The following RAB14 variants were observed in gnomAD, a reference collection of about 807,000 sequenced individuals.
RAB14 encodes RAB14, member RAS oncogene family.
RAB14 carries 3 observed loss-of-function variants against 31.1 expected under a neutral mutation model. The observed-to-expected ratio is 0.10, with a 90% CI of 0.04 to 0.25. The LOEUF is 0.25. RAB14 is among the 10% of genes least tolerant of loss of function. The probability of loss-of-function intolerance (pLI) is 1.00; values close to 1 mark genes in which losing one functional copy is unlikely to be tolerated. For synonymous variants in RAB14, 85 were observed against 84.9 expected, an observed-to-expected ratio of 1.00 and a Z score of 0.00; for missense variants, 111 against 260.1, an observed-to-expected ratio of 0.43 and a Z score of 3.94.
intron 4 of RAB14, among the ~76,000 whole-genome samples, chr9:121,187,346 AAACTCAAATTACTTTGAAAT>A (rs1394231050): frequency 2.0e-5 from 3 of 152,134 alleles, no homozygotes; most frequent in Non-Finnish European, 4.4e-5. Flanking sequence ...TGTGGAGTCA[AAACTCAAATTACTTTGAAAT>A]CATACAGACT....
At position 121,190,790 on chromosome 9, in the gene RAB14, G is replaced by C. The variant is rs915082499; in HGVS notation, c.107-59C>G. ...TTCAGAAAACTTCAAATTAAGCCTA[G>C]AGGGGGAAAATCCACTAAATAAGCA... On this transcript the variant is annotated intron_variant, in intron 3 of 7. Transcript: ENST00000373840. The C allele has an allele frequency of 4.5e-6, 7 of 1,540,166 alleles. No individual in the cohort carries two copies. In the African/African-American group the frequency reaches 9.6e-5, roughly 21 times the overall value.
In RAB14 at chr9:121,183,282, TG is replaced by T. The variant is rs781161101; in HGVS notation, c.439+28del. 19 of 1,548,750 alleles carry T rather than the reference TG, an allele frequency of 1.2e-5. No homozygotes were observed. In the African/African-American group the frequency reaches 2.6e-4, roughly 21 times the overall value. ...ACCTTTCCTTAAAAATTCTCCCAATTGTGACCATTAAGTCTTAAAGAAACTC... is the reference window on the plus strand; with the variant it reads ...ACCTTTCCTTAAAAATTCTCCCAATTTGACCATTAAGTCTTAAAGAAACTC... On this transcript the variant is annotated intron_variant, in intron 6 of 7. Coordinates refer to ENST00000373840, the MANE Select transcript of RAB14 (RefSeq NM_016322.4).
In RAB14 at chr9:121,181,301, C is replaced by T; in HGVS notation, c.*95G>A. 1.6e-6 allele frequency: 2 copies of T among 1,237,456 alleles called. No homozygotes were observed. The highest frequency in any genetic ancestry group is 1.1e-6 in the Non-Finnish European group (1 of 922,762). 76.7% of individuals were successfully genotyped at this position (1,237,456 alleles called of 1,614,324 possible). On this transcript the variant is annotated 3_prime_UTR_variant, in exon 8 of 8. Transcript: ENST00000373840. ...TTTTTTCTTTTTTTTTAATTAAACCCAGTAAGATGTACAGAAGACAATGAG... is the reference window on the plus strand; with the variant it reads ...TTTTTTCTTTTTTTTTAATTAAACCTAGTAAGATGTACAGAAGACAATGAG...
At position 121,191,855 on chromosome 9, in the gene RAB14, CTAA is replaced by C. The variant is rs565410559; in HGVS notation, c.106+313_106+315del. ...AAATGATACATGCAGCAAATTTCTC[CTAA>C]TAAGACAATCAATTCCTGTAACAGA... On this transcript the variant is annotated intron_variant, in intron 3 of 7. Transcript: ENST00000373840. Among the ~76,000 whole-genome samples the C allele has an allele frequency of 5.3e-5, 8 of 152,056 alleles. No individual in the cohort carries two copies. The South Asian group carries it at 1.7e-3, about 32-fold the overall frequency.
chr9:121,193,537 C>G (rs888938566), intron 1 of RAB14, 118 bp from the exon 2 acceptor site: 3 of 659,716 alleles, frequency 4.5e-6, no homozygotes, highest in African/African-American at 3.9e-5. Flanking sequence ...ATGTTGGTTA[C>G]AGTAAGTCAA....
At chr9:121,197,295 C>T (rs142672882) in intron 1 of RAB14, among the ~76,000 whole-genome samples, 54 of 152,202 alleles carry the variant, frequency 3.5e-4, no homozygotes, top group Non-Finnish European at 7.1e-4. Flanking sequence ...ATTTCTCAAC[C>T]TCATCTCCTG....
intron 1 of RAB14, among the ~76,000 whole-genome samples, chr9:121,198,984 T>C (rs1323080775): frequency 1.3e-5 from 2 of 152,214 alleles, no homozygotes; most frequent in Non-Finnish European, 2.9e-5. Context: ...GTCACTTTTA[T>C]ATAAATAATG....
chr9:121,199,030 CA>C (rs1448329545), intron 1 of RAB14, among the ~76,000 whole-genome samples: 1 of 151,932 alleles, frequency 6.6e-6, no homozygotes, highest in Admixed American at 6.6e-5. Flanking sequence ...CTTAATGTGG[CA>C]AAAGTAACTT....
At chr9:121,196,185 A>G (rs2053715924) in intron 1 of RAB14, among the ~76,000 whole-genome samples, 1 of 150,716 alleles carries the variant, frequency 6.6e-6, no homozygotes, top group Non-Finnish European at 1.5e-5. Context: ...CCATAAATGA[A>G]AAAAAAAATC....
At chr9:121,185,644 T>C (rs928972033) in intron 5 of RAB14, among the ~76,000 whole-genome samples, 37 of 152,214 alleles carry the variant, frequency 2.4e-4, no homozygotes, top group African/African-American at 8.9e-4. Context: ...GTTTTCTAAA[T>C]GAAATCATAC....
chr9:121,196,081 T>G (rs879800562), intron 1 of RAB14, among the ~76,000 whole-genome samples: 18 of 152,080 alleles, frequency 1.2e-4, no homozygotes, highest in Non-Finnish European at 2.4e-4. Context: ...GTACTTTTGC[T>G]TTACTTAGAG....
At chr9:121,189,800 C>G (rs1277147833) in intron 4 of RAB14, among the ~76,000 whole-genome samples, 1 of 152,026 alleles carries the variant, frequency 6.6e-6, no homozygotes, top group East Asian at 1.9e-4. Context: ...CCATCTTTAC[C>G]CCCAAGAAAC....
chr9:121,189,686 TTAA>T (rs750688282), intron 4 of RAB14, among the ~76,000 whole-genome samples: 1 of 152,182 alleles, frequency 6.6e-6, no homozygotes, highest in Non-Finnish European at 1.5e-5. Flanking sequence ...TCCCAGAGTC[TTAA>T]TATGCTAACG....
intron 1 of RAB14, among the ~76,000 whole-genome samples, chr9:121,198,026 C>A (rs889441769): frequency 2.6e-5 from 4 of 151,712 alleles, no homozygotes; most frequent in African/African-American, 9.7e-5. Flanking sequence ...TTCAAACACA[C>A]ACACACACAC....
chr9:121,187,742 C>T (rs905218653), intron 4 of RAB14, among the ~76,000 whole-genome samples: 3 of 151,960 alleles, frequency 2.0e-5, no homozygotes, highest in Non-Finnish European at 2.9e-5. Flanking sequence ...AGTAAACAAA[C>T]CCAAATATTT....
At chr9:121,184,034 A>G (rs1172163286) in intron 5 of RAB14, among the ~76,000 whole-genome samples, 2 of 152,206 alleles carry the variant, frequency 1.3e-5, no homozygotes, top group Admixed American at 1.3e-4. Context: ...CAGTAAGGAA[A>G]CTGAAGCTCA....
chr9:121,183,300 A>C lies in RAB14; in HGVS notation c.439+11T>G, dbSNP rs2053643576. ...TCCCAATTGTGACCATTAAGTCTTA[A>C]AGAAACTCACCATTTTCTTCAGCAA... On this transcript the variant is annotated intron_variant, in intron 6 of 7. Coordinates refer to ENST00000373840, the MANE Select transcript of RAB14 (RefSeq NM_016322.4). The C allele has an allele frequency of 6.3e-7, 1 of 1,595,506 alleles. No individual in the cohort carries two copies. Among genetic ancestry groups the C allele is most frequent in the Non-Finnish European group, 8.6e-7 (1 of 1,164,748 alleles).
rs2053623946 is a variant in RAB14 at position 121,179,930 on chromosome 9, A to G, written c.*1466T>C. On this transcript the variant is annotated 3_prime_UTR_variant, in exon 8 of 8. Coordinates refer to ENST00000373840, the MANE Select transcript of RAB14 (RefSeq NM_016322.4). ...TAAATTCTCAATTCCCAGCCACTGA[A>G]TCATAAATGCAATAAAAAAAATCAA... 6.6e-6 allele frequency: 1 copy of G among 151,920 alleles called. No individual in the cohort carries two copies. Among genetic ancestry groups the G allele is most frequent in the African/African-American group, 2.4e-5 (1 of 41,342 alleles). The allele number at this position is 151,920 out of a possible 1,614,324, so 9.4% of individuals were successfully genotyped here.
At chr9:121,185,685 A>C (rs571364513) in intron 5 of RAB14, among the ~76,000 whole-genome samples, 46 of 152,230 alleles carry the variant, frequency 3.0e-4, no homozygotes, top group African/African-American at 1.0e-3. Context: ...TGGCTTTTTT[A>C]CTGGGTATGA....
Sources: allele counts gnomAD v4.1 joint callset (sites outside exome capture counted in the v4.1 genomes callset), GRCh38; gene constraint gnomAD v4.1.1; transcripts MANE v1.5; gene names NCBI Gene and HGNC (gene_info 2026-07-23, HGNC 2026-07-21).